GFRA3: variants seen among roughly 807,000 people sequenced by gnomAD.
GFRA3 encodes GDNF family receptor alpha 3, also known as GDNF family receptor alpha-3.
A neutral mutation model predicts 40.0 loss-of-function variants in GFRA3; 24 were observed. The ratio of observed to expected loss-of-function variants is 0.60; its 90% CI spans 0.43 to 0.84. The LOEUF is 0.84. GFRA3 is among the 40% of genes least tolerant of loss of function. GFRA3 has a pLI of 0.00. For synonymous variants in GFRA3, 203 were observed against 213.5 expected, an observed-to-expected ratio of 0.95 and a Z score of 0.43; for missense variants, 405 against 530.6, an observed-to-expected ratio of 0.76 and a Z score of 2.33.
chr5:138,264,067 G>GTCT (rs1386449688), intron 2 of GFRA3, among the ~76,000 whole-genome samples, 194 bp downstream of exon 2: 2 of 152,140 alleles, frequency 1.3e-5, no homozygotes, highest in African/African-American at 4.8e-5. Context: ...GGGGAAGTAG[G>GTCT]GAGAAGAGAG....
At chr5:138,268,135 AT>A (rs1332798342) in intron 1 of GFRA3, among the ~76,000 whole-genome samples, 3 of 151,966 alleles carry the variant, frequency 2.0e-5, no homozygotes, top group Non-Finnish European at 4.4e-5. Flanking sequence ...AAATACAAAA[AT>A]TAGCTGGGTG....
Position 138,264,457 on chromosome 5 carries a change from G to T in GFRA3, c.183C>A (p.Tyr61Ter). 6.2e-7 allele frequency: 1 copy of T among 1,613,706 alleles called. No homozygotes were observed. Among genetic ancestry groups the T allele is most frequent in the South Asian group, 1.1e-5 (1 of 91,060 alleles). ...TAGAGGTGCAGGAATCCAGGTGGTG[G>T]TAGGCAGCACTGCAGGTGGGATCAG... The part of the protein sequence containing the change: ...CQADPTCSAA[Y>*]HHLDSCTSSI... Residue 61 changes from tyrosine (Y) to a stop codon, truncating the protein, a stop_gained, in exon 2 of 8, where the codon TAC (tyrosine) becomes TAA (stop). Transcript: ENST00000274721. LOFTEE classifies it high-confidence loss of function.
intron 6 of GFRA3, 83 bp downstream of exon 6, chr5:138,253,683 T>C (rs925653411): frequency 7.6e-7 from 1 of 1,320,706 alleles, no homozygotes; most frequent in Admixed American, 1.9e-5. Context: ...GGAACCAGCC[T>C]GGGCCACAGA....
At chr5:138,256,026 G>A (rs1449324349) in intron 4 of GFRA3, among the ~76,000 whole-genome samples, 2 of 151,470 alleles carry the variant, frequency 1.3e-5, no homozygotes, top group Admixed American at 6.6e-5. Context: ...CCAGGAGTTC[G>A]AGACTAGCCT....
chr5:138,267,034 G>T, intron 1 of GFRA3: 1 of 160,868 alleles, frequency 6.2e-6, no homozygotes, highest in Non-Finnish European at 1.4e-5. Flanking sequence ...TAGGTCAGAC[G>T]TTTGCCAAAA....
chr5:138,271,362 C>A (rs1755866625), intron 1 of GFRA3, among the ~76,000 whole-genome samples: 1 of 152,090 alleles, frequency 6.6e-6, no homozygotes. Flanking sequence ...TTAGTTGACA[C>A]TTTACCAAGT....
At chr5:138,254,418 C>G (rs1755597915) in intron 4 of GFRA3, among the ~76,000 whole-genome samples, 1 of 152,086 alleles carries the variant, frequency 6.6e-6, no homozygotes, top group African/African-American at 2.4e-5. Flanking sequence ...AACTCCTGAC[C>G]TCAGGTGATC....
intron 2 of GFRA3, among the ~76,000 whole-genome samples, chr5:138,260,477 T>C (rs1755694334): frequency 6.6e-6 from 1 of 152,136 alleles, no homozygotes; most frequent in South Asian, 2.1e-4. Flanking sequence ...TTACTAAAAA[T>C]GCAATGGGGT....
intron 2 of GFRA3, among the ~76,000 whole-genome samples, chr5:138,261,174 G>T (rs1755704518): frequency 6.6e-6 from 1 of 152,216 alleles, no homozygotes; most frequent in Non-Finnish European, 1.5e-5. Flanking sequence ...TCATTATGCA[G>T]TGGCAAAGCA....
intron 3 of GFRA3, among the ~76,000 whole-genome samples, chr5:138,258,442 A>G (rs1439703141): frequency 6.6e-6 from 1 of 152,016 alleles, no homozygotes; most frequent in Admixed American, 6.6e-5. Context: ...TCGGCCTCCC[A>G]AAGTGCTGGG....
At chr5:138,268,852 G>A (rs1206983957) in intron 1 of GFRA3, among the ~76,000 whole-genome samples, 32 of 150,802 alleles carry the variant, frequency 2.1e-4, no homozygotes, top group Middle Eastern at 6.9e-3. Flanking sequence ...GTGAACCTGG[G>A]AGGCGGAGCT....
chr5:138,261,327 G>A (rs184724536), intron 2 of GFRA3, among the ~76,000 whole-genome samples: 3 of 152,310 alleles, frequency 2.0e-5, no homozygotes, highest in East Asian at 1.9e-4. Context: ...CAAGATATAA[G>A]CTCAGAAAAG....
intron 2 of GFRA3, among the ~76,000 whole-genome samples, chr5:138,261,074 A>T (rs1755703307): frequency 6.6e-6 from 1 of 152,218 alleles, no homozygotes; most frequent in South Asian, 2.1e-4. Context: ...GCGCTACAGT[A>T]ATAAAATAAT....
chr5:138,256,857 G>A (rs1337140807), intron 4 of GFRA3, among the ~76,000 whole-genome samples: 1 of 149,048 alleles, frequency 6.7e-6, no homozygotes, highest in East Asian at 2.0e-4. Flanking sequence ...TGAGGCAGAA[G>A]AATCGCTTGA....
intron 4 of GFRA3, among the ~76,000 whole-genome samples, chr5:138,255,120 G>A (rs1324891818): frequency 6.7e-6 from 1 of 150,022 alleles, no homozygotes; most frequent in Non-Finnish European, 1.5e-5. Flanking sequence ...GAAGGAAGGA[G>A]GGAGGGAAGG....
At chr5:138,271,892 GTTTTTTT>G (rs772736464) in intron 1 of GFRA3, among the ~76,000 whole-genome samples, 4 of 59,686 alleles carry the variant, frequency 6.7e-5, no homozygotes, top group African/African-American at 1.9e-4. Context: ...TTTCTTTTCT[GTTTTTTT>G]TTTTTTTTTT....
intron 2 of GFRA3, among the ~76,000 whole-genome samples, chr5:138,260,081 C>T (rs1035469875): frequency 2.0e-5 from 3 of 152,052 alleles, no homozygotes; most frequent in African/African-American, 7.2e-5. Flanking sequence ...ATTATTGTTT[C>T]CAATTATTTG....
At chr5:138,253,516 C>T in intron 6 of GFRA3, 141 bp from the exon 7 acceptor site, 4 of 698,486 alleles carry the variant, frequency 5.7e-6, no homozygotes. Context: ...GATACTCTCT[C>T]ATTCTGCTTG....
rs541108658 is a variant in GFRA3 at position 138,270,301 on chromosome 5, G to A, written c.91+4033C>T. ...GCAGGAGAATGGCGCGAACCCGGGA[G>A]GCGGAGCTTGCAGTGAGCCGAGATC... On this transcript the variant is annotated intron_variant, in intron 1 of 7. Coordinates refer to ENST00000274721, the MANE Select transcript of GFRA3 (RefSeq NM_001496.4). 5.3e-5 allele frequency among the ~76,000 whole-genome samples: 8 copies of A among 151,368 alleles called. No individual in the cohort carries two copies. The South Asian group carries it at 1.7e-3, about 32-fold the overall frequency.
Sources: allele counts gnomAD v4.1 joint callset (sites outside exome capture counted in the v4.1 genomes callset), GRCh38; gene constraint gnomAD v4.1.1; transcripts MANE v1.5; gene names NCBI Gene and HGNC (gene_info 2026-07-23, HGNC 2026-07-21).